ALKAL1: variants seen among roughly 807,000 people sequenced by gnomAD.
ALKAL1 encodes the protein AUG-beta.
A neutral mutation model predicts 13.5 loss-of-function variants in ALKAL1; 23 were observed. The observed-to-expected ratio is 1.70, with a 90% CI of 1.23 to 2.41. ALKAL1 has a LOEUF of 2.41. ALKAL1 is among the 30% of genes most tolerant of loss of function. ALKAL1 has a pLI of 0.00. For synonymous variants in ALKAL1, 85 were observed against 77.7 expected, an observed-to-expected ratio of 1.09 and a Z score of -0.49; for missense variants, 181 against 178.4, an observed-to-expected ratio of 1.01 and a Z score of -0.08.
In ALKAL1 at chr8:52,560,415, A is replaced by G. The variant is rs113722213; in HGVS notation, c.190+4652T>C. Among the ~76,000 whole-genome samples the G allele has an allele frequency of 2.6e-3, 389 of 152,330 alleles. 6 individuals are homozygous for G. Among genetic ancestry groups the G allele is most frequent in the African/African-American group, 8.7e-3 (362 of 41,568 alleles). On this transcript the variant is annotated intron_variant, in intron 1 of 4. Coordinates refer to ENST00000358543, the MANE Select transcript of ALKAL1 (RefSeq NM_207413.4). ...CTACAATGGCAAATAGTCGAAGGAA[A>G]TATCACCTGGCCACGTTTTTCTATC...
chr8:52,562,157 G>A (rs960107708), intron 1 of ALKAL1, among the ~76,000 whole-genome samples: 1 of 152,156 alleles, frequency 6.6e-6, no homozygotes, highest in Non-Finnish European at 1.5e-5. Context: ...AAAGAGGAAT[G>A]AGAGAGCAGG....
At chr8:52,559,208 G>A (rs189164122) in intron 1 of ALKAL1, among the ~76,000 whole-genome samples, 22 of 152,226 alleles carry the variant, frequency 1.4e-4, no homozygotes, top group Admixed American at 8.5e-4. Context: ...ACAAATATCC[G>A]AACCAGAGCA....
At chr8:52,534,842 G>T in intron 4 of ALKAL1, among the ~76,000 whole-genome samples, 1 of 152,072 alleles carries the variant, frequency 6.6e-6, no homozygotes, top group East Asian at 1.9e-4. Flanking sequence ...TACCAAAACA[G>T]AAAAGAACTT....
intron 3 of ALKAL1, among the ~76,000 whole-genome samples, chr8:52,539,118 A>G (rs998948036): frequency 6.6e-6 from 1 of 152,092 alleles, no homozygotes; most frequent in African/African-American, 2.4e-5. Flanking sequence ...TTTTTGAAAA[A>G]AATTATAACA....
intron 1 of ALKAL1, among the ~76,000 whole-genome samples, chr8:52,564,088 G>A (rs1847577221): frequency 6.6e-6 from 1 of 152,218 alleles, no homozygotes; most frequent in Non-Finnish European, 1.5e-5. Flanking sequence ...GAAGGGATCA[G>A]GAGCTGTGGT....
intron 1 of ALKAL1, among the ~76,000 whole-genome samples, chr8:52,548,886 T>C (rs561463376): frequency 6.6e-6 from 1 of 152,266 alleles, no homozygotes; most frequent in East Asian, 1.9e-4. Context: ...CATATATATG[T>C]ACATATATAT....
At chr8:52,558,080 G>C (rs1847502910) in intron 1 of ALKAL1, among the ~76,000 whole-genome samples, 1 of 151,648 alleles carries the variant, frequency 6.6e-6, no homozygotes, top group Non-Finnish European at 1.5e-5. Context: ...GATCACTTGA[G>C]GTCAGGAGTT....
chr8:52,538,791 T>C (rs1440597353), intron 3 of ALKAL1, among the ~76,000 whole-genome samples: 2 of 152,210 alleles, frequency 1.3e-5, no homozygotes, highest in African/African-American at 2.4e-5. Flanking sequence ...TTCTCCACCA[T>C]GCTTGGCTAC....
intron 1 of ALKAL1, among the ~76,000 whole-genome samples, chr8:52,560,735 A>C (rs550393007): frequency 1.3e-5 from 2 of 152,104 alleles, no homozygotes; most frequent in Admixed American, 6.6e-5. Flanking sequence ...GAATGGGCAG[A>C]AACTCATTCC....
chr8:52,545,664 A>G (rs952319947), intron 1 of ALKAL1, among the ~76,000 whole-genome samples: 1 of 152,068 alleles, frequency 6.6e-6, no homozygotes, highest in Non-Finnish European at 1.5e-5. Flanking sequence ...CTATACCCCA[A>G]TCACCTTAAG....
intron 1 of ALKAL1, among the ~76,000 whole-genome samples, chr8:52,550,185 T>C (rs138512185): frequency 1.3e-5 from 2 of 152,212 alleles, no homozygotes; most frequent in Admixed American, 6.5e-5. Flanking sequence ...AGCTGGGTGG[T>C]TTAATGAGAC....
At chr8:52,546,160 G>A (rs771501690) in intron 1 of ALKAL1, among the ~76,000 whole-genome samples, 25 of 152,198 alleles carry the variant, frequency 1.6e-4, no homozygotes, top group Admixed American at 5.2e-4. Flanking sequence ...TTTGTGGCAC[G>A]TGACTGTAAC....
chr8:52,554,657 T>C (rs1202994617), intron 1 of ALKAL1, among the ~76,000 whole-genome samples: 1 of 152,156 alleles, frequency 6.6e-6, no homozygotes, highest in Non-Finnish European at 1.5e-5. Flanking sequence ...AGGAAGAAGA[T>C]ACCTTTTGGA....
chr8:52,564,475 C>A (rs1452314978), intron 1 of ALKAL1, among the ~76,000 whole-genome samples: 4 of 152,192 alleles, frequency 2.6e-5, no homozygotes, highest in Non-Finnish European at 4.4e-5. Flanking sequence ...CTTCCACTCC[C>A]CTCGGGCATC....
chr8:52,560,458 AG>A (rs1847536839), intron 1 of ALKAL1, among the ~76,000 whole-genome samples: 1 of 152,236 alleles, frequency 6.6e-6, no homozygotes, highest in Non-Finnish European at 1.5e-5. Context: ...ACAGCAACAA[AG>A]ATCTTAGAAA....
At chr8:52,534,885 A>AACATTTATTAATCTGTAG (rs1847251201) in intron 4 of ALKAL1, among the ~76,000 whole-genome samples, 2 of 152,216 alleles carry the variant, frequency 1.3e-5, no homozygotes. Flanking sequence ...AAATATCCCT[A>AACATTTATTAATCTGTAG]ACATTTATTA....
intron 1 of ALKAL1, among the ~76,000 whole-genome samples, chr8:52,555,197 C>T (rs1041540506): frequency 1.3e-5 from 2 of 150,916 alleles, no homozygotes; most frequent in African/African-American, 4.9e-5. Context: ...AAGATAAAGG[C>T]CGACAAATGC....
intron 1 of ALKAL1, among the ~76,000 whole-genome samples, chr8:52,546,688 G>A (rs1293687254): frequency 6.6e-6 from 1 of 152,238 alleles, no homozygotes; most frequent in African/African-American, 2.4e-5. Context: ...ATCAGTTTAA[G>A]ACTGTGAGGT....
intron 1 of ALKAL1, among the ~76,000 whole-genome samples, chr8:52,558,699 G>C (rs1201678708): frequency 6.6e-6 from 1 of 151,960 alleles, no homozygotes; most frequent in Non-Finnish European, 1.5e-5. Context: ...TCATATCCTA[G>C]ATATGCAACA....
Sources: gnomAD v4.1 joint callset for allele counts (sites outside exome capture counted in the v4.1 genomes callset) on GRCh38, gnomAD v4.1.1 for gene constraint, MANE v1.5 for transcripts, NCBI Gene and HGNC (gene_info 2026-07-23, HGNC 2026-07-21) for gene names.